Variants in RPGRIP1L observed in about 807,000 individuals in gnomAD.
RPGRIP1L encodes RPGRIP1 like.
In RPGRIP1L, 131 loss-of-function variants were observed where a neutral mutation model predicts 160.4. That is an observed-to-expected ratio of 0.82 (90% confidence interval 0.71 to 0.94). The LOEUF (loss-of-function observed/expected upper bound fraction) is 0.94, where lower values mean the gene tolerates loss of function less well. Among genes scored for constraint, RPGRIP1L ranks in the 40% least tolerant of loss-of-function variants. The pLI is 0.00. For synonymous variants in RPGRIP1L, 510 were observed against 515.8 expected, an observed-to-expected ratio of 0.99 and a Z score of 0.15; for missense variants, 1,522 against 1,535.8, an observed-to-expected ratio of 0.99 and a Z score of 0.15.
At chr16:53,657,758 AGACAAAGGAAGTCCTGATATATATAT>A (rs1266845582) in intron 12 of RPGRIP1L, 126 bp from the exon 13 acceptor site, 8 of 621,384 alleles carry the variant, frequency 1.3e-5, no homozygotes, top group Non-Finnish European at 1.9e-5. Context: ...AATTGAAAAC[AGACAAAGGAAGTCCTGATATATATAT>A]CAGGACTGCT....
chr16:53,615,993 C>T (rs923738995), intron 24 of RPGRIP1L, among the ~76,000 whole-genome samples: 1 of 152,168 alleles, frequency 6.6e-6, no homozygotes, highest in Non-Finnish European at 1.5e-5. Context: ...AATCACTAGT[C>T]TGCATCTCTC....
rs771774137 is a variant in RPGRIP1L, at chr16:53,645,884, G to A, written c.2424C>T (p.His808=). 5.0e-6 allele frequency: 8 copies of A among 1,614,176 alleles called. No individual in the cohort carries two copies. The South Asian group carries it at 8.8e-5, about 18-fold the overall frequency. The change falls in exon 17 of 27, where the codon CAC becomes CAT. Residue 808 remains histidine, a synonymous_variant. Coordinates refer to ENST00000647211, the MANE Select transcript of RPGRIP1L (RefSeq NM_015272.5). ...ACACAACATATGGGTGTGGCTGCAG[G>A]TGGCTTGCTCGGGACTGCAGGTGGT... is the stretch of plus-strand genomic sequence containing the variant. The part of the protein sequence containing the change: ...CCNHLQSRAS[H]LQPHPYVVYK...
chr16:53,629,136 T>C (rs1462500188), intron 22 of RPGRIP1L, among the ~76,000 whole-genome samples: 1 of 152,174 alleles, frequency 6.6e-6, no homozygotes, highest in East Asian at 1.9e-4. Flanking sequence ...TGAGAACAGA[T>C]GTTGCAGTGC....
Position 53,637,743 on chromosome 16 carries a change from C to A in RPGRIP1L, c.3172G>T (p.Ala1058Ser), listed in dbSNP as rs765964361. ...ATTTCTGTTTCATCTTCAGAAGATG[C>A]CAAGCTTTGTTCTGCAAGCTGACCT... ...SEGQLAEQSL[A>S]SSEDETEITE... The change falls in exon 21 of 27, where the codon GCA becomes TCA. Residue 1058 changes from alanine (A) to serine (S), a missense_variant. Physicochemically the swap from Ala to Ser is moderately conservative, Grantham distance 99. Coordinates refer to ENST00000647211, the MANE Select transcript of RPGRIP1L (RefSeq NM_015272.5). 6.2e-7 allele frequency: 1 copy of A among 1,612,254 alleles called. No individual in the cohort carries two copies. Among genetic ancestry groups the A allele is most frequent in the East Asian group, 2.2e-5 (1 of 44,826 alleles).
At position 53,692,090 on chromosome 16, in the gene RPGRIP1L, C is replaced by T. The variant is rs1310789427; in HGVS notation, c.505G>A (p.Gly169Ser). The change falls in exon 4 of 27, where the codon GGT (glycine) becomes AGT (serine). Residue 169 changes from glycine to serine, a missense_variant. By Grantham distance (56) the Gly-to-Ser change is moderately conservative. Transcript: ENST00000647211. ...TGRRKANENAGLQECPRKGIK... is the reference protein window; with the variant it reads ...TGRRKANENASLQECPRKGIK... The stretch of plus-strand genomic sequence containing the variant: ...CCTTTCCTGGGGCATTCCTGTAAAC[C>T]AGCATTTTCATTTGCTTTTCTACGC... 1 of 1,613,948 alleles carries T rather than the reference C, an allele frequency of 6.2e-7. No individual in the cohort carries two copies. The highest frequency in any genetic ancestry group is 1.7e-5 in the Admixed American group (1 of 59,980).
At chr16:53,655,991 A>G (rs1967224162) in intron 14 of RPGRIP1L, among the ~76,000 whole-genome samples, 1 of 152,236 alleles carries the variant, frequency 6.6e-6, no homozygotes, top group Admixed American at 6.5e-5. Flanking sequence ...TGAGCATGAC[A>G]TATCTGCAAA....
chr16:53,661,013 A>C (rs1370873517), intron 10 of RPGRIP1L, among the ~76,000 whole-genome samples: 1 of 151,876 alleles, frequency 6.6e-6, no homozygotes, highest in Non-Finnish European at 1.5e-5. Flanking sequence ...AAGAATATCC[A>C]GGCCGGGCAC....
chr16:53,637,378 C>G (rs1965905737), intron 21 of RPGRIP1L, among the ~76,000 whole-genome samples: 2 of 152,078 alleles, frequency 1.3e-5, no homozygotes, highest in South Asian at 4.1e-4. Flanking sequence ...TTTAAAAAGT[C>G]AAGACCTCTA....
chr16:53,608,347 T>G (rs1963816581), intron 25 of RPGRIP1L, among the ~76,000 whole-genome samples: 1 of 152,188 alleles, frequency 6.6e-6, no homozygotes, highest in African/African-American at 2.4e-5. Flanking sequence ...GCATTTAACT[T>G]TTTGATTTTC....
Position 53,692,319 on chromosome 16 carries a change from A to G in RPGRIP1L, c.276T>C (p.Tyr92=). 3 of 1,614,136 alleles carry G rather than the reference A, an allele frequency of 1.9e-6. No individual in the cohort carries two copies. The highest frequency in any genetic ancestry group is 2.5e-6 in the Non-Finnish European group (3 of 1,180,014). The change falls in exon 4 of 27, where the codon TAT becomes TAC. Residue 92 remains tyrosine, a synonymous_variant. Coordinates refer to ENST00000647211, the MANE Select transcript of RPGRIP1L (RefSeq NM_015272.5). ...GCTTGGGGCCGCCACCAACCCGCTC[A>G]TATCTTTTCTTGTCATTAACTAGCC... ...LIRLVNDKKR[Y]ERVGGGPKRL...
intron 3 of RPGRIP1L, chr16:53,693,429 C>T (rs1452004395): frequency 1.3e-5 from 2 of 152,016 alleles, no homozygotes; most frequent in Admixed American, 1.3e-4. Flanking sequence ...ATAGAACAAC[C>T]TTTTTTCTGC....
At chr16:53,679,244 A>G (rs1035026724) in intron 6 of RPGRIP1L, among the ~76,000 whole-genome samples, 2 of 152,136 alleles carry the variant, frequency 1.3e-5, no homozygotes, top group African/African-American at 2.4e-5. Context: ...AGCTCTCTAC[A>G]TGCATAAAAT....
At chr16:53,614,576 C>A (rs1964241723) in intron 24 of RPGRIP1L, among the ~76,000 whole-genome samples, 1 of 151,956 alleles carries the variant, frequency 6.6e-6, no homozygotes, top group Non-Finnish European at 1.5e-5. Flanking sequence ...GGTTGAATAC[C>A]GTGGGAAACA....
intron 22 of RPGRIP1L, among the ~76,000 whole-genome samples, chr16:53,624,002 C>A (rs1450636601): frequency 6.6e-6 from 1 of 152,166 alleles, no homozygotes; most frequent in Admixed American, 6.6e-5. Context: ...AGTGATCCTC[C>A]CATCTCAGCC....
Position 53,640,052 on chromosome 16 carries a change from G to GA in RPGRIP1L, c.2958+980dup, listed in dbSNP as rs1966104954. ...TATTTTCTAAAAAGTCCACCACAGA[G>GA]AATGGTAAAAATCTGAATACAGTAT... On this transcript the variant is annotated intron_variant, in intron 19 of 26. Transcript: ENST00000647211. 2.6e-5 allele frequency among the ~76,000 whole-genome samples: 4 copies of GA among 152,146 alleles called. No individual in the cohort carries two copies. The South Asian group carries it at 8.3e-4, about 32-fold the overall frequency.
At chr16:53,660,748 C>G (rs1431857366) in intron 10 of RPGRIP1L, among the ~76,000 whole-genome samples, 1 of 151,498 alleles carries the variant, frequency 6.6e-6, no homozygotes, top group Non-Finnish European at 1.5e-5. Flanking sequence ...CAAAAATTAG[C>G]TGGGCATGGT....
chr16:53,673,155 T>A (rs952813235), intron 7 of RPGRIP1L, 139 bp from the exon 8 acceptor site: 3 of 815,324 alleles, frequency 3.7e-6, no homozygotes, highest in Non-Finnish European at 3.9e-6. Context: ...ATTTTTTACA[T>A]AACAAATGAT....
intron 1 of RPGRIP1L, among the ~76,000 whole-genome samples, chr16:53,702,901 G>C (rs1337103618): frequency 6.6e-6 from 1 of 152,168 alleles, no homozygotes; most frequent in Non-Finnish European, 1.5e-5. Flanking sequence ...TAAACATCTT[G>C]AGACGGGTAT....
intron 9 of RPGRIP1L, among the ~76,000 whole-genome samples, chr16:53,670,057 AT>A (rs2151226819): frequency 6.6e-6 from 1 of 152,264 alleles, no homozygotes; most frequent in South Asian, 2.1e-4. Flanking sequence ...CACACATATG[AT>A]TTTAACTGGT....
Sources: gnomAD v4.1 joint callset for allele counts (sites outside exome capture counted in the v4.1 genomes callset) on GRCh38, gnomAD v4.1.1 for gene constraint, MANE v1.5 for transcripts, NCBI Gene and HGNC (gene_info 2026-07-23, HGNC 2026-07-21) for gene names.